The following SLC66A2 variants were observed in gnomAD, a reference collection of about 807,000 sequenced individuals.
SLC66A2 encodes PQ loop repeat containing 1.
Under a neutral mutation model 25.5 loss-of-function variants are expected in SLC66A2, and 23 were observed. The observed-to-expected ratio is 0.90, with a 90% CI of 0.65 to 1.28. SLC66A2 has a LOEUF of 1.28. SLC66A2 is among the 50% of genes most tolerant of loss of function. The probability of loss-of-function intolerance (pLI) is 0.00; values close to 1 mark genes in which losing one functional copy is unlikely to be tolerated. For missense variants in SLC66A2, 396 were observed against 373.1 expected (o/e 1.06, Z -0.51); for synonymous variants, 193 against 166.5 (o/e 1.16, Z -1.23).
At chr18:79,911,395 A>G (rs1983093392) in intron 5 of SLC66A2, among the ~76,000 whole-genome samples, 1 of 152,222 alleles carries the variant, frequency 6.6e-6, no homozygotes, top group Non-Finnish European at 1.5e-5. Flanking sequence ...ACCAACAAAG[A>G]CAGAGGGCTC....
chr18:79,933,744 G>A (rs373569362), intron 4 of SLC66A2, among the ~76,000 whole-genome samples: 3 of 150,060 alleles, frequency 2.0e-5, no homozygotes, highest in Admixed American at 1.3e-4. Context: ...TCCCCTTCCC[G>A]CCCCCATCTC....
Position 79,903,766 on chromosome 18 carries a change from C to A in SLC66A2, c.*210G>T. On this transcript the variant is annotated 3_prime_UTR_variant, in exon 6 of 6. Coordinates refer to ENST00000397778, the MANE Select transcript of SLC66A2 (RefSeq NM_025078.5). The stretch of plus-strand genomic sequence containing the variant: ...TCCAAAACCCTCGGGGCCAGATCAA[C>A]CCTGGCTGTCCCCGCTGAGCACAAA... 1.8e-6 allele frequency: 1 copy of A among 548,956 alleles called. No individual in the cohort carries two copies. The highest frequency in any genetic ancestry group is 3.2e-6 in the Non-Finnish European group (1 of 315,394). 34.0% of individuals were successfully genotyped at this position (548,956 alleles called of 1,614,324 possible). A position where few individuals can be genotyped will look rare whatever the true frequency, so the allele number is the denominator to read the frequency against.
rs1446585130 is a variant in SLC66A2 at position 79,903,973 on chromosome 18, C to G, written c.*3G>C. The G allele has an allele frequency of 6.3e-7, 1 of 1,595,810 alleles. No homozygotes were observed. The highest frequency in any genetic ancestry group is 8.5e-7 in the Non-Finnish European group (1 of 1,173,194). On this transcript the variant is annotated 3_prime_UTR_variant, in exon 6 of 6. Coordinates refer to ENST00000397778, the MANE Select transcript of SLC66A2 (RefSeq NM_025078.5). Reference sequence around the variant, plus strand: ...CGGTCCCACATCCTCGTCCTCCCCACTGTCAGAGGGCCTTGGTGCCAGTGG... The same window carrying G: ...CGGTCCCACATCCTCGTCCTCCCCAGTGTCAGAGGGCCTTGGTGCCAGTGG...
intron 5 of SLC66A2, among the ~76,000 whole-genome samples, chr18:79,916,260 G>GTGGTGCTCT (rs1568302464): frequency 1.3e-4 from 6 of 46,512 alleles, no homozygotes; most frequent in African/African-American, 2.9e-4. Context: ...TCTCATAGCC[G>GTGGTGCTCT]CAGTGCTCCC....
chr18:79,940,261 G>A lies in SLC66A2; in HGVS notation c.337+3068C>T, dbSNP rs574814802. Among the ~76,000 whole-genome samples, 6 of 152,176 alleles carry A rather than the reference G, an allele frequency of 3.9e-5. No individual in the cohort carries two copies. The highest frequency in any genetic ancestry group is 1.2e-4 in the African/African-American group (5 of 41,520). ...GGAGAGCAGGAGGAGGGAGAGGACC[G>A]GGAAAAATAACCAGTGGGTACTAGG... On this transcript the variant is annotated intron_variant, in intron 3 of 5. Coordinates refer to ENST00000397778, the MANE Select transcript of SLC66A2 (RefSeq NM_025078.5). The surrounding 1 kb of genome is among the most constrained non-coding windows in gnomAD (Gnocchi z 4.1).
rs867275954 is a variant in SLC66A2, at chr18:79,937,270, C to G, written c.338-3248G>C. 7.2e-5 allele frequency among the ~76,000 whole-genome samples: 11 copies of G among 152,148 alleles called. No individual in the cohort carries two copies. Among genetic ancestry groups the G allele is most frequent in the Non-Finnish European group, 1.2e-4 (8 of 68,040 alleles). ...GGAGATGTAGCCGCCACACGAGCAC[C>G]CTGTTATACCAGGATCCTGTGTAGA... On this transcript the variant is annotated intron_variant, in intron 3 of 5. Transcript: ENST00000397778. The surrounding 1 kb of genome is among the most constrained non-coding windows in gnomAD (Gnocchi z 5.4).
Position 79,903,670 on chromosome 18 carries a change from C to T in SLC66A2, c.*306G>A, listed in dbSNP as rs952680872. ...GTTCCTGCAGGCCGCCCAATGTGTACCTTGGGCTCAGACGGTGTTTCATAA... is the reference window on the plus strand; with the variant it reads ...GTTCCTGCAGGCCGCCCAATGTGTATCTTGGGCTCAGACGGTGTTTCATAA... On this transcript the variant is annotated 3_prime_UTR_variant, in exon 6 of 6. Transcript: ENST00000397778. 8 of 411,356 alleles carry T rather than the reference C, an allele frequency of 1.9e-5. No homozygotes were observed. Among genetic ancestry groups the T allele is most frequent in the African/African-American group, 1.7e-4 (8 of 47,272 alleles). 25.5% of individuals were successfully genotyped at this position (411,356 alleles called of 1,614,324 possible).
At position 79,917,420 on chromosome 18, in the gene SLC66A2, C is replaced by A. The variant is rs772642649; in HGVS notation, c.608+1764G>T. ...GCATGTGGGGTCCGGATCCGCTAGA[C>A]CCTCACCACGAGGCTGTGGTGATGC... is the stretch of plus-strand genomic sequence containing the variant. On this transcript the variant is annotated intron_variant, in intron 5 of 5. Coordinates refer to ENST00000397778, the MANE Select transcript of SLC66A2 (RefSeq NM_025078.5). This position sits in a 1 kb window ranked among gnomAD's most constrained non-coding sequence, Gnocchi z 6.0. 2.6e-5 allele frequency among the ~76,000 whole-genome samples: 4 copies of A among 152,120 alleles called. No homozygotes were observed. Among genetic ancestry groups the A allele is most frequent in the Admixed American group, 6.5e-5 (1 of 15,290 alleles).
chr18:79,933,891 C>T, intron 4 of SLC66A2, 78 bp downstream of exon 4: 1 of 1,309,128 alleles, frequency 7.6e-7, no homozygotes, highest in East Asian at 2.4e-5. Flanking sequence ...CAGATGGAAG[C>T]AACAACAGGA....
intron 2 of SLC66A2, among the ~76,000 whole-genome samples, chr18:79,947,715 T>C (rs1468916386): frequency 1.4e-5 from 2 of 143,556 alleles, no homozygotes; most frequent in African/African-American, 5.1e-5. Flanking sequence ...GCTGGGGTTG[T>C]GTGTGATGCA....
intron 2 of SLC66A2, among the ~76,000 whole-genome samples, chr18:79,944,947 C>T (rs1273805420): frequency 7.1e-6 from 1 of 140,744 alleles, no homozygotes; most frequent in African/African-American, 2.7e-5. Context: ...CTTATCAACA[C>T]AGAGCAGAAG....
intron 2 of SLC66A2, among the ~76,000 whole-genome samples, chr18:79,948,420 A>G (rs2051006342): frequency 6.6e-6 from 1 of 152,236 alleles, no homozygotes; most frequent in South Asian, 2.1e-4. Flanking sequence ...AGCTCACTGC[A>G]GCCTCGAATT....
intron 5 of SLC66A2, among the ~76,000 whole-genome samples, chr18:79,906,527 CT>C (rs2123184343): frequency 6.6e-6 from 1 of 152,246 alleles, no homozygotes; most frequent in African/African-American, 2.4e-5. Flanking sequence ...CCTTTGGAGA[CT>C]TAAGATCTAT....
At chr18:79,931,172 G>C (rs1401214047) in intron 4 of SLC66A2, among the ~76,000 whole-genome samples, 1 of 152,118 alleles carries the variant, frequency 6.6e-6, no homozygotes, top group African/African-American at 2.4e-5. Flanking sequence ...AAAAGGCATA[G>C]GATATACAGA....
At chr18:79,933,922 G>A (rs763638628) in intron 4 of SLC66A2, 47 bp downstream of exon 4, 11 of 1,537,948 alleles carry the variant, frequency 7.2e-6, no homozygotes, top group Admixed American at 1.8e-5. Context: ...CTGCAGGAAT[G>A]AAGCAAAAGG....
intron 5 of SLC66A2, chr18:79,915,943 T>A (rs1380826429): frequency 6.4e-6 from 1 of 155,128 alleles, no homozygotes; most frequent in Non-Finnish European, 1.4e-5. Flanking sequence ...CACACACGGG[T>A]TTTCATCCAC....
intron 3 of SLC66A2, among the ~76,000 whole-genome samples, chr18:79,938,863 A>C (rs1987372577): frequency 2.0e-5 from 3 of 152,070 alleles, no homozygotes; most frequent in African/African-American, 4.8e-5. Flanking sequence ...TCTTTAGTAG[A>C]GACGGGGTTT....
Position 79,914,630 on chromosome 18 carries a change from TCCACGGAGCGGTGGCCTGGAC to T in SLC66A2, c.608+4533_608+4553del, listed in dbSNP as rs1406633413. Among the ~76,000 whole-genome samples, 10 of 152,260 alleles carry T rather than the reference TCCACGGAGCGGTGGCCTGGAC, an allele frequency of 6.6e-5. No homozygotes were observed. In the South Asian group the frequency reaches 2.1e-3, roughly 32 times the overall value. ...AACCCAGGCCGGGGAGGGCTGAAGATCCACGGAGCGGTGGCCTGGACCCATGCGGAGAAGCCAGAAGACCAC... is the reference window on the plus strand; with the variant it reads ...AACCCAGGCCGGGGAGGGCTGAAGATCCATGCGGAGAAGCCAGAAGACCAC... On this transcript the variant is annotated intron_variant, in intron 5 of 5. Coordinates refer to ENST00000397778, the MANE Select transcript of SLC66A2 (RefSeq NM_025078.5).
chr18:79,923,151 T>C (rs1208867238), intron 4 of SLC66A2, among the ~76,000 whole-genome samples: 1 of 145,040 alleles, frequency 6.9e-6, no homozygotes, highest in Non-Finnish European at 1.5e-5. Context: ...GTGTATTTCA[T>C]GAAGAAGCCC....
Sources: allele counts gnomAD v4.1 joint callset (sites outside exome capture counted in the v4.1 genomes callset), GRCh38; gene constraint gnomAD v4.1.1; non-coding constraint Gnocchi (gnomAD v3.1); transcripts MANE v1.5; gene names NCBI Gene and HGNC (gene_info 2026-07-23, HGNC 2026-07-21).